The following NVL variants were observed in gnomAD, a reference collection of about 807,000 sequenced individuals.
The protein encoded by NVL is nuclear valosin-containing protein-like.
In NVL, 84 loss-of-function variants were observed where a neutral mutation model predicts 110.2. That is an observed-to-expected ratio of 0.76 (90% confidence interval 0.64 to 0.91). The LOEUF (loss-of-function observed/expected upper bound fraction) is 0.91, where lower values mean the gene tolerates loss of function less well. NVL is among the 40% of genes least tolerant of loss of function. The pLI, the probability that NVL is intolerant of heterozygous loss-of-function variation, is 0.00. For synonymous variants in NVL, 354 were observed against 361.1 expected (o/e 0.98, Z 0.22); for missense variants, 882 against 1,035.9 (o/e 0.85, Z 2.04).
At chr1:224,329,320 G>A (rs1221558758) in intron 1 of NVL, among the ~76,000 whole-genome samples, 1 of 141,346 alleles carries the variant, frequency 7.1e-6, no homozygotes, top group Non-Finnish European at 1.5e-5. Flanking sequence ...AGGAAGTATG[G>A]ATAGATAAGA....
Position 224,296,634 on chromosome 1 carries a change from T to A in NVL, c.1063-16A>T. ...GTGCATTTGACTAGAAATAAAAATA[T>A]CACAAAAAGACAATCATAAATGCAT... On this transcript the variant is annotated splice_polypyrimidine_tract_variant and intron_variant, in intron 10 of 22. Transcript: ENST00000281701. The A allele has an allele frequency of 1.4e-6, 2 of 1,471,566 alleles. No homozygotes were observed. Among genetic ancestry groups the A allele is most frequent in the Admixed American group, 3.8e-5 (2 of 52,054 alleles). 91.2% of individuals were successfully genotyped at this position (1,471,566 alleles called of 1,614,324 possible).
At chr1:224,318,445 A>T (rs1670301389) in intron 2 of NVL, among the ~76,000 whole-genome samples, 1 of 151,924 alleles carries the variant, frequency 6.6e-6, no homozygotes, top group Non-Finnish European at 1.5e-5. Context: ...CCTACAAAAT[A>T]TTAAAAATTA....
rs576252575 is a variant in NVL, at chr1:224,289,450, A to G, written c.1575+34T>C. 1.9e-6 allele frequency: 3 copies of G among 1,608,568 alleles called. 1 individual carries two copies. In the South Asian group the frequency reaches 3.3e-5, roughly 18 times the overall value. Reference sequence around the variant, plus strand: ...ATGTAAGATAACACAAAGAACATTAAAAGGACAATTTAAGGTGCCTTTAGA... The same window carrying G: ...ATGTAAGATAACACAAAGAACATTAGAAGGACAATTTAAGGTGCCTTTAGA... On this transcript the variant is annotated intron_variant, in intron 13 of 22. Transcript: ENST00000281701.
At chr1:224,301,668 T>TCA (rs1668423660) in intron 9 of NVL, 5 of 352,444 alleles carry the variant, frequency 1.4e-5, no homozygotes, top group Non-Finnish European at 2.2e-5. Flanking sequence ...GGCATGCTGA[T>TCA]GCATGCCTGC....
chr1:224,256,756 C>T (rs1663307253), intron 18 of NVL, among the ~76,000 whole-genome samples: 1 of 152,292 alleles, frequency 6.6e-6, no homozygotes, highest in Non-Finnish European at 1.5e-5. Context: ...CTTCCTAGCT[C>T]TTCCCTAAAC....
At chr1:224,300,352 A>T (rs992302874) in intron 10 of NVL, among the ~76,000 whole-genome samples, 12 of 152,186 alleles carry the variant, frequency 7.9e-5, no homozygotes, top group African/African-American at 2.7e-4. Context: ...TTTATGTTTG[A>T]TTTCAAATGA....
At position 224,227,687 on chromosome 1, in the gene NVL, C is replaced by A; in HGVS notation, c.2527-17G>T. On this transcript the variant is annotated splice_polypyrimidine_tract_variant and intron_variant, in intron 22 of 22. Coordinates refer to ENST00000281701, the MANE Select transcript of NVL (RefSeq NM_002533.4). The stretch of plus-strand genomic sequence containing the variant: ...GATTTGATCCTGAAAGGAGGGAGAA[C>A]ACAGAATACAGAGACCGTCACTGCT... 1.2e-6 allele frequency: 2 copies of A among 1,608,222 alleles called. No individual in the cohort carries two copies. Among genetic ancestry groups the A allele is most frequent in the South Asian group, 1.1e-5 (1 of 90,562 alleles).
At position 224,231,226 on chromosome 1, in the gene NVL, CT is replaced by C; in HGVS notation, c.2525del (p.Lys842ArgfsTer38). The C allele has an allele frequency of 6.2e-7, 1 of 1,607,876 alleles. No homozygotes were observed. ...FKKVRSSISKKDQIMYERLQE... is the reference protein window; with the variant it reads ...FKKVRSSISKXDQIMYERLQE... ...CTATGCATTTAATGGCATTGCTTAC[CT>C]TTTTTGATATAGATGATCTTACTTT... is the stretch of plus-strand genomic sequence containing the variant. On this transcript the variant is annotated frameshift_variant and splice_region_variant, in exon 22 of 23. Transcript: ENST00000281701. LOFTEE classifies it high-confidence loss of function.
chr1:224,258,786 A>G (rs990399542), intron 18 of NVL, among the ~76,000 whole-genome samples: 1 of 152,114 alleles, frequency 6.6e-6, no homozygotes, highest in Non-Finnish European at 1.5e-5. Flanking sequence ...GCCAGATTTA[A>G]GAGCCCTCAT....
Position 224,302,602 on chromosome 1 carries a change from T to C in NVL, c.960+1121A>G, listed in dbSNP as rs111970747. Reference sequence around the variant, plus strand: ...GGGTTAAAATAAGATTGCTAACTTTTAATTTCTCAAAGTAAGTGTCTATTA... The same window carrying C: ...GGGTTAAAATAAGATTGCTAACTTTCAATTTCTCAAAGTAAGTGTCTATTA... On this transcript the variant is annotated intron_variant, in intron 9 of 22. Transcript: ENST00000281701. 2.0e-3 allele frequency among the ~76,000 whole-genome samples: 310 copies of C among 152,382 alleles called. 1 individual carries two copies. Among genetic ancestry groups the C allele is most frequent in the African/African-American group, 6.0e-3 (250 of 41,592 alleles).
rs777134508 is a variant in NVL at position 224,308,277 on chromosome 1, A to C, written c.343-14T>G. On this transcript the variant is annotated splice_polypyrimidine_tract_variant and intron_variant, in intron 5 of 22. Coordinates refer to ENST00000281701, the MANE Select transcript of NVL (RefSeq NM_002533.4). ...GTGATTTGCTGACTGGCAGAAAGAT[A>C]AAACAAAATTGTAGCATAAATTACT... 6.3e-7 allele frequency: 1 copy of C among 1,585,604 alleles called. No homozygotes were observed. Among genetic ancestry groups the C allele is most frequent in the Admixed American group, 1.9e-5 (1 of 53,436 alleles).
At chr1:224,318,043 A>T in intron 2 of NVL, 113 bp from the exon 3 acceptor site, 1 of 654,678 alleles carries the variant, frequency 1.5e-6, no homozygotes, top group Non-Finnish European at 2.5e-6. Context: ...GTTACAGTAT[A>T]GACACTTGCC....
At chr1:224,304,006 C>A (rs1668668146) in intron 8 of NVL, 149 bp from the exon 9 acceptor site, 1 of 808,660 alleles carries the variant, frequency 1.2e-6, no homozygotes, top group East Asian at 3.1e-5. Flanking sequence ...GCTCTGGTAC[C>A]TACTGTGTGA....
rs1663610738 is a variant in NVL at position 224,258,951 on chromosome 1, T to C, written c.2183-8633A>G. ...GCAGGCCAGGAGTGCGAGACCAACC[T>C]GGTTAACATGAGACCCTGTCTCTAC... On this transcript the variant is annotated intron_variant, in intron 18 of 22. Transcript: ENST00000281701. 2.5e-5 allele frequency among the ~76,000 whole-genome samples: 3 copies of C among 121,364 alleles called. No individual in the cohort carries two copies. The South Asian group carries it at 8.5e-4, about 34-fold the overall frequency. 79.6% of individuals were successfully genotyped at this position (121,364 alleles called of 152,430 possible).
intron 14 of NVL, among the ~76,000 whole-genome samples, chr1:224,286,751 A>G (rs1318460048): frequency 6.6e-6 from 1 of 152,262 alleles, no homozygotes; most frequent in African/African-American, 2.4e-5. Context: ...AATCAGATGC[A>G]GCAGTAACTT....
chr1:224,288,882 G>C (rs962155211), intron 13 of NVL, among the ~76,000 whole-genome samples: 1 of 152,030 alleles, frequency 6.6e-6, no homozygotes, highest in Non-Finnish European at 1.5e-5. Context: ...ATTTAATACC[G>C]ATCTTGGACT....
At chr1:224,232,359 T>A (rs865908114) in intron 21 of NVL, among the ~76,000 whole-genome samples, 4 of 151,450 alleles carry the variant, frequency 2.6e-5, no homozygotes, top group Middle Eastern at 3.4e-3. Flanking sequence ...TCAAAAAAAA[T>A]AAATAAATAA....
intron 17 of NVL, among the ~76,000 whole-genome samples, chr1:224,273,187 T>G (rs564990808): frequency 6.6e-6 from 1 of 152,052 alleles, no homozygotes; most frequent in Admixed American, 6.5e-5. Context: ...CCGAGGATGG[T>G]GGATCACTTG....
At chr1:224,231,114 CA>C in intron 22 of NVL, 111 bp downstream of exon 22, 1 of 699,380 alleles carries the variant, frequency 1.4e-6, no homozygotes, top group Non-Finnish European at 2.4e-6. Flanking sequence ...GCATGGACGA[CA>C]GAGCAAGACT....
Sources: gnomAD v4.1 joint callset for allele counts (sites outside exome capture counted in the v4.1 genomes callset) on GRCh38, gnomAD v4.1.1 for gene constraint, MANE v1.5 for transcripts, NCBI Gene and HGNC (gene_info 2026-07-23, HGNC 2026-07-21) for gene names.